CACNA1D: variants seen among roughly 807,000 people sequenced by gnomAD.
The protein encoded by CACNA1D is voltage-dependent L-type calcium channel subunit alpha-1D.
In CACNA1D, 55 loss-of-function variants were observed where a neutral mutation model predicts 257.1. The observed-to-expected ratio is 0.21, with a 90% CI of 0.17 to 0.27. The LOEUF (loss-of-function observed/expected upper bound fraction) is 0.27. CACNA1D is among the 10% of genes least tolerant of loss of function. The probability of loss-of-function intolerance (pLI) is 1.00; values close to 1 mark genes in which losing one functional copy is unlikely to be tolerated. For missense variants in CACNA1D, 1,876 were observed against 2,784.0 expected, an observed-to-expected ratio of 0.67 and a Z score of 7.34; for synonymous variants, 980 against 1,014.9, an observed-to-expected ratio of 0.97 and a Z score of 0.65.
At chr3:53,617,028 G>A (rs1156449302) in intron 3 of CACNA1D, among the ~76,000 whole-genome samples, 1 of 152,020 alleles carries the variant, frequency 6.6e-6, no homozygotes, top group Non-Finnish European at 1.5e-5. Context: ...TCCAGATGCT[G>A]CCTCCCTCCC....
intron 3 of CACNA1D, among the ~76,000 whole-genome samples, chr3:53,574,511 A>G (rs1325415430): frequency 6.6e-6 from 1 of 152,174 alleles, no homozygotes; most frequent in African/African-American, 2.4e-5. Flanking sequence ...TGACTATGAA[A>G]TTCTCCCAGA....
intron 8 of CACNA1D, among the ~76,000 whole-genome samples, chr3:53,697,335 T>C (rs1287869900): frequency 6.6e-6 from 1 of 152,184 alleles, no homozygotes; most frequent in African/African-American, 2.4e-5. Context: ...GGGCTTGTTT[T>C]GTTGGATACA....
In CACNA1D at chr3:53,577,306, G is replaced by T. The variant is rs57143213; in HGVS notation, c.484-73473G>T. 0.012 allele frequency among the ~76,000 whole-genome samples: 1,809 copies of T among 152,242 alleles called. 67 individuals are homozygous for T. The East Asian group carries it at 0.13, about 11-fold the overall frequency. ...TGAAAGGTGCAGCTGACCTCAGGTG[G>T]TGCTCGATTCCAGGGGGTGCTGGGG... is the stretch of plus-strand genomic sequence containing the variant. On this transcript the variant is annotated intron_variant, in intron 3 of 47. Coordinates refer to ENST00000350061, the MANE Select transcript of CACNA1D (RefSeq NM_001128840.3).
At position 53,781,625 on chromosome 3, in the gene CACNA1D, A is replaced by G. The variant is rs759563699; in HGVS notation, c.4750A>G (p.Thr1584Ala). ...RAVIKKIWKK[T>A]SMKLLDQVVP... is the part of the protein sequence containing the mutation. ...TGTGATAAAGAAAATTTGGAAGAAA[A>G]CCAGCATGAAATTACTTGACCAAGT... is the stretch of plus-strand genomic sequence containing the variant. The change falls in exon 39 of 48, where the codon ACC becomes GCC. Residue 1584 changes from threonine (T) to alanine (A), a missense_variant. Physicochemically the swap from Thr to Ala is moderately conservative, Grantham distance 58. This residue lies in a region of CACNA1D where 160 missense variants were observed against 236.6 expected (regional missense o/e 0.68). Coordinates refer to ENST00000350061, the MANE Select transcript of CACNA1D (RefSeq NM_001128840.3). The G allele has an allele frequency of 1.2e-6, 2 of 1,614,100 alleles. No homozygotes were observed. The highest frequency in any genetic ancestry group is 1.7e-6 in the Non-Finnish European group (2 of 1,179,942).
chr3:53,706,121 C>T (rs1275998306), intron 9 of CACNA1D, among the ~76,000 whole-genome samples: 2 of 152,212 alleles, frequency 1.3e-5, no homozygotes, highest in South Asian at 2.1e-4. Flanking sequence ...GAGGATGGCG[C>T]AGGGCCCGGG....
intron 3 of CACNA1D, among the ~76,000 whole-genome samples, chr3:53,617,756 A>G (rs2093652957): frequency 6.6e-6 from 1 of 152,200 alleles, no homozygotes; most frequent in Admixed American, 6.5e-5. Flanking sequence ...GTACTGGAAC[A>G]GTGACTCAGG....
At chr3:53,568,603 C>T (rs1465284640) in intron 3 of CACNA1D, among the ~76,000 whole-genome samples, 1 of 152,230 alleles carries the variant, frequency 6.6e-6, no homozygotes, top group African/African-American at 2.4e-5. Flanking sequence ...CAGGTTGCAT[C>T]CAGCCTTGCC....
At chr3:53,803,738 C>T (rs1057141317) in intron 44 of CACNA1D, among the ~76,000 whole-genome samples, 166 bp downstream of exon 44, 5 of 152,224 alleles carry the variant, frequency 3.3e-5, no homozygotes, top group South Asian at 2.1e-4. Context: ...GAAAGAGAGC[C>T]GCAGAGAGGC....
chr3:53,703,719 C>T (rs2094652047), intron 9 of CACNA1D, among the ~76,000 whole-genome samples: 2 of 152,206 alleles, frequency 1.3e-5, no homozygotes, highest in African/African-American at 4.8e-5. Flanking sequence ...GATGGCCGAG[C>T]AAGTCCCTGC....
intron 35 of CACNA1D, 102 bp from the exon 36 acceptor site, chr3:53,776,501 T>A: frequency 7.2e-7 from 1 of 1,389,984 alleles, no homozygotes; most frequent in Non-Finnish European, 1.0e-6. Context: ...CTTGGAGACA[T>A]GGGTTCCCAT....
chr3:53,767,174 G>A (rs538008021), intron 30 of CACNA1D, among the ~76,000 whole-genome samples: 2 of 152,148 alleles, frequency 1.3e-5, no homozygotes, highest in Admixed American at 1.3e-4. Flanking sequence ...AGCTGGTATA[G>A]GCCACCTGTT....
intron 3 of CACNA1D, among the ~76,000 whole-genome samples, chr3:53,562,044 A>T (rs1575877467): frequency 1.3e-5 from 2 of 152,236 alleles, no homozygotes; most frequent in South Asian, 4.1e-4. Context: ...ATATCCTTGT[A>T]CAAAGTAGTG....
chr3:53,617,038 C>T (rs1269410203), intron 3 of CACNA1D, among the ~76,000 whole-genome samples: 3 of 152,142 alleles, frequency 2.0e-5, no homozygotes, highest in African/African-American at 7.2e-5. Flanking sequence ...GCCTCCCTCC[C>T]CCAGCACACC....
intron 7 of CACNA1D, among the ~76,000 whole-genome samples, chr3:53,667,198 C>T (rs1262565337): frequency 6.6e-6 from 1 of 152,094 alleles, no homozygotes; most frequent in African/African-American, 2.4e-5. Context: ...TCCAGCCTGC[C>T]ATGAAAACAG....
At chr3:53,501,320 T>C (rs1033686719) in intron 2 of CACNA1D, among the ~76,000 whole-genome samples, 8 of 152,208 alleles carry the variant, frequency 5.3e-5, no homozygotes, top group Admixed American at 1.3e-4. Flanking sequence ...AGTGCCCTAA[T>C]TGGATGTACT....
In CACNA1D at chr3:53,769,976, A is replaced by G. The variant is rs780925951; in HGVS notation, c.3874A>G (p.Thr1292Ala). The G allele has an allele frequency of 3.1e-6, 5 of 1,612,514 alleles. No individual in the cohort carries two copies. The highest frequency in any genetic ancestry group is 1.7e-5 in the Admixed American group (1 of 60,026). ...TTCAATCTTTGATTTCTTAAAGCCA[A>G]CTGAAAGTGAAAATGTCCCTGTCCC... ...IDVALSEADP[T>A]ESENVPVPTA... is the part of the protein sequence containing the mutation. The change falls in exon 31 of 48, where the codon ACT (threonine) becomes GCT (alanine). Residue 1292 changes from threonine (T) to alanine (A), a missense_variant. Transcript: ENST00000350061.
intron 9 of CACNA1D, among the ~76,000 whole-genome samples, chr3:53,705,298 A>G (rs1323673376): frequency 5.3e-5 from 8 of 152,150 alleles, no homozygotes; most frequent in Non-Finnish European, 1.2e-4. Flanking sequence ...AGCTGGGGAA[A>G]TGGCACAAAC....
At chr3:53,796,294 A>G (rs1346520370) in intron 40 of CACNA1D, 6 of 455,662 alleles carry the variant, frequency 1.3e-5, no homozygotes, top group Middle Eastern at 3.2e-4. Flanking sequence ...TCTGCCAGGC[A>G]GGGTTCTTTG....
chr3:53,638,498 A>G (rs901912724), intron 3 of CACNA1D, among the ~76,000 whole-genome samples: 7 of 152,216 alleles, frequency 4.6e-5, no homozygotes, highest in African/African-American at 1.7e-4. Flanking sequence ...TACATAGACT[A>G]GACACAGCAG....
Sources: gnomAD v4.1 joint callset for allele counts (sites outside exome capture counted in the v4.1 genomes callset) on GRCh38, gnomAD v4.1.1 for gene constraint, gnomAD v4.1.1 regional missense constraint, MANE v1.5 for transcripts, NCBI Gene and HGNC (gene_info 2026-07-23, HGNC 2026-07-21) for gene names.